CLPTM1L: variants seen among roughly 807,000 people sequenced by gnomAD.
CLPTM1L encodes lipid scramblase CLPTM1L.
In CLPTM1L, 38 loss-of-function variants were observed where a neutral mutation model predicts 70.9. The ratio of observed to expected loss-of-function variants is 0.54; its 90% CI spans 0.41 to 0.70. The LOEUF (loss-of-function observed/expected upper bound fraction) is 0.70, where lower values mean the gene tolerates loss of function less well. Ranked by LOEUF, CLPTM1L falls within the 30% of genes least tolerant of loss-of-function variation. CLPTM1L has a pLI of 0.00. For missense variants in CLPTM1L, 652 were observed against 705.9 expected (o/e 0.92, Z 0.87); for synonymous variants, 339 against 299.9 (o/e 1.13, Z -1.35).
intron 9 of CLPTM1L, among the ~76,000 whole-genome samples, chr5:1,327,224 C>G (rs1269138335): frequency 3.4e-5 from 5 of 145,602 alleles, no homozygotes; most frequent in African/African-American, 7.8e-5. Flanking sequence ...CCTCTACAGA[C>G]ACATTTCATC....
intron 12 of CLPTM1L, 41 bp from the exon 13 acceptor site, chr5:1,322,952 G>C (rs1161174979): frequency 6.4e-7 from 1 of 1,557,954 alleles, no homozygotes; most frequent in Non-Finnish European, 8.9e-7. Flanking sequence ...TTCTCGCATA[G>C]CTTAATATCT....
chr5:1,322,060 A>G (rs1319457854), intron 13 of CLPTM1L, among the ~76,000 whole-genome samples: 1 of 152,222 alleles, frequency 6.6e-6, no homozygotes, highest in Admixed American at 6.5e-5. Flanking sequence ...TTTATTAATC[A>G]GTGTAACTGC....
At chr5:1,338,760 G>C in intron 4 of CLPTM1L, 100 bp downstream of exon 4, 3 of 1,421,988 alleles carry the variant, frequency 2.1e-6, no homozygotes, top group Non-Finnish European at 2.9e-6. Context: ...CCTCCCCACA[G>C]AGGGGACTCC....
chr5:1,318,627 T>C lies in CLPTM1L; in HGVS notation c.1533-174A>G, dbSNP rs963045672. On this transcript the variant is annotated intron_variant, in intron 16 of 16. Coordinates refer to ENST00000320895, the MANE Select transcript of CLPTM1L (RefSeq NM_030782.5). The surrounding 1 kb of genome is among the most constrained non-coding windows in gnomAD (Gnocchi z 8.9). ...CGAGGGCTGAGGAGGGATTTCTGAGTTGTGTTTTGTTCTGCATGGCCAGGC... is the reference window on the plus strand; with the variant it reads ...CGAGGGCTGAGGAGGGATTTCTGAGCTGTGTTTTGTTCTGCATGGCCAGGC... Among the ~76,000 whole-genome samples the C allele has an allele frequency of 6.6e-6, 1 of 152,102 alleles. No homozygotes were observed. Among genetic ancestry groups the C allele is most frequent in the Non-Finnish European group, 1.5e-5 (1 of 67,986 alleles).
At chr5:1,340,010 G>C (rs202040872) in intron 3 of CLPTM1L, among the ~76,000 whole-genome samples, 2 of 152,196 alleles carry the variant, frequency 1.3e-5, no homozygotes, top group East Asian at 3.8e-4. Flanking sequence ...AGGCACAACC[G>C]GGGGAGAGCC....
chr5:1,327,367 G>GACACATTCCATCCA (rs1752669902), intron 9 of CLPTM1L, among the ~76,000 whole-genome samples: 1 of 146,828 alleles, frequency 6.8e-6, no homozygotes, highest in Non-Finnish European at 1.5e-5. Context: ...CTCCTCTACA[G>GACACATTCCATCCA]GCACATTCCA....
rs764723002 is a variant in CLPTM1L at position 1,318,910 on chromosome 5, C to T, written c.1533-457G>A. On this transcript the variant is annotated intron_variant, in intron 16 of 16. Coordinates refer to ENST00000320895, the MANE Select transcript of CLPTM1L (RefSeq NM_030782.5). This position sits in a 1 kb window ranked among gnomAD's most constrained non-coding sequence, Gnocchi z 8.9. The stretch of plus-strand genomic sequence containing the variant: ...GGAGGCCTTGCCAACATCACCCCTA[C>T]GTATGGATGAGGAAGCTGTGGCATA... Among the ~76,000 whole-genome samples the T allele has an allele frequency of 2.0e-5, 3 of 152,200 alleles. No homozygotes were observed. The highest frequency in any genetic ancestry group is 4.1e-4 in the South Asian group (2 of 4,834).
At chr5:1,320,862 CA>C in intron 15 of CLPTM1L, 131 bp from the exon 16 acceptor site, 1 of 559,658 alleles carries the variant, frequency 1.8e-6, no homozygotes, top group Non-Finnish European at 3.2e-6. Context: ...ACAGCAACAA[CA>C]AAAAGAGCAG....
chr5:1,323,633 C>T (rs1752320986), intron 12 of CLPTM1L, among the ~76,000 whole-genome samples, 154 bp downstream of exon 12: 2 of 152,168 alleles, frequency 1.3e-5, no homozygotes, highest in African/African-American at 4.8e-5. Flanking sequence ...CAGAGCCCAC[C>T]GTGTGCAGCT....
intron 11 of CLPTM1L, 93 bp downstream of exon 11, chr5:1,324,670 G>T: frequency 1.6e-6 from 2 of 1,238,336 alleles, no homozygotes; most frequent in Non-Finnish European, 2.4e-6. Context: ...ACTCCAAGGA[G>T]ACTTCCGCAC....
intron 15 of CLPTM1L, among the ~76,000 whole-genome samples, chr5:1,321,017 C>A (rs1389083668): frequency 6.6e-6 from 1 of 152,210 alleles, no homozygotes; most frequent in African/African-American, 2.4e-5. Flanking sequence ...AAGGCTGGAG[C>A]CGCCCGAGAC....
At chr5:1,336,515 T>C (rs1753587042) in intron 5 of CLPTM1L, among the ~76,000 whole-genome samples, 2 of 152,216 alleles carry the variant, frequency 1.3e-5, no homozygotes, top group Admixed American at 6.5e-5. Context: ...ATCTCCTGAA[T>C]GCCTGCAAGG....
At chr5:1,320,452 C>T (rs1752084090) in intron 16 of CLPTM1L, 164 bp downstream of exon 16, 4 of 486,738 alleles carry the variant, frequency 8.2e-6, no homozygotes, top group Non-Finnish European at 1.5e-5. Context: ...TCATGGGCAA[C>T]TGGAACCCAA....
rs1166681075 is a variant in CLPTM1L, at chr5:1,318,733, G to A, written c.1533-280C>T. Among the ~76,000 whole-genome samples the A allele has an allele frequency of 2.0e-5, 3 of 152,052 alleles. No individual in the cohort carries two copies. Among genetic ancestry groups the A allele is most frequent in the Admixed American group, 6.5e-5 (1 of 15,274 alleles). On this transcript the variant is annotated intron_variant, in intron 16 of 16. Transcript: ENST00000320895. The surrounding 1 kb of genome is among the most constrained non-coding windows in gnomAD (Gnocchi z 8.9). Reference sequence around the variant, plus strand: ...GCACGGGCTGCCATGGCTGAAGGGGGGACCCGGAGGCTGCACGGGCTGCCT... The same window carrying A: ...GCACGGGCTGCCATGGCTGAAGGGGAGACCCGGAGGCTGCACGGGCTGCCT...
In CLPTM1L at chr5:1,318,318, T is replaced by C. The variant is rs1264901629; in HGVS notation, c.*51A>G. ...GAATTCCTCCAAATGCTTCCAAAAA[T>C]ACTCATTGACAATTCAAGTTGCACT... is the stretch of plus-strand genomic sequence containing the variant. On this transcript the variant is annotated 3_prime_UTR_variant, in exon 17 of 17. Coordinates refer to ENST00000320895, the MANE Select transcript of CLPTM1L (RefSeq NM_030782.5). The surrounding 1 kb of genome is among the most constrained non-coding windows in gnomAD (Gnocchi z 8.9). 1.4e-6 allele frequency: 2 copies of C among 1,410,516 alleles called. No homozygotes were observed. The highest frequency in any genetic ancestry group is 1.7e-5 in the Admixed American group (1 of 58,086). 87.4% of individuals were successfully genotyped at this position (1,410,516 alleles called of 1,614,324 possible). A position where few individuals can be genotyped will look rare whatever the true frequency, so the allele number is the denominator to read the frequency against.
At chr5:1,320,415 G>A (rs551052004) in intron 16 of CLPTM1L, 2 of 473,570 alleles carry the variant, frequency 4.2e-6, no homozygotes, top group African/African-American at 2.0e-5. Context: ...AGGAGACAGA[G>A]CTGGAACAGT....
chr5:1,324,781 G>A lies in CLPTM1L; in HGVS notation c.1179C>T (p.Thr393=), dbSNP rs776842767. ...GACTTACCTGAGTATCGTACTCCTC[G>A]GTTTTCCTCTCAGATTCGCTGTAAG... ...FGTYSESERK[T]EEYDTQAMKY... is the part of the protein sequence containing the mutation. The change falls in exon 11 of 17, where the codon ACC becomes ACT. Residue 393 remains threonine (T), a synonymous_variant. Coordinates refer to ENST00000320895, the MANE Select transcript of CLPTM1L (RefSeq NM_030782.5). 11 of 1,613,934 alleles carry A rather than the reference G, an allele frequency of 6.8e-6. No homozygotes were observed. Among genetic ancestry groups the A allele is most frequent in the South Asian group, 2.2e-5 (2 of 91,078 alleles).
At position 1,342,039 on chromosome 5, in the gene CLPTM1L, T is replaced by TGTGTGTGTGTGCGCGCGC. The variant is rs3222913; in HGVS notation, c.264-180_264-179insGCGCGCGCACACACACAC. Among the ~76,000 whole-genome samples, 60 of 149,088 alleles carry TGTGTGTGTGTGCGCGCGC rather than the reference T, an allele frequency of 4.0e-4. No individual in the cohort carries two copies. In the Middle Eastern group the frequency reaches 0.01, roughly 26 times the overall value. Reference sequence around the variant, plus strand: ...GTGTGTGTGTGTGTGTGTGTGTGTGTGCACGCGCACGCGTGCGCGTCCTGA... The same window carrying TGTGTGTGTGTGCGCGCGC: ...GTGTGTGTGTGTGTGTGTGTGTGTGTGTGTGTGTGTGCGCGCGCGCACGCGCACGCGTGCGCGTCCTGA... On this transcript the variant is annotated intron_variant, in intron 2 of 16. Coordinates refer to ENST00000320895, the MANE Select transcript of CLPTM1L (RefSeq NM_030782.5). The surrounding 1 kb of genome is among the most constrained non-coding windows in gnomAD (Gnocchi z 4.3).
chr5:1,324,047 A>G, intron 11 of CLPTM1L, 178 bp from the exon 12 acceptor site: 1 of 601,730 alleles, frequency 1.7e-6, no homozygotes. Flanking sequence ...CACTCGCCAC[A>G]GCCCCAGGAG....
Sources: allele counts gnomAD v4.1 joint callset (sites outside exome capture counted in the v4.1 genomes callset), GRCh38; gene constraint gnomAD v4.1.1; non-coding constraint Gnocchi (gnomAD v3.1); transcripts MANE v1.5; gene names NCBI Gene and HGNC (gene_info 2026-07-23, HGNC 2026-07-21).